The following TMEM132B variants were observed in gnomAD, a reference collection of about 807,000 sequenced individuals.
TMEM132B encodes transmembrane protein 132B.
In TMEM132B, 18 loss-of-function variants were observed where a neutral mutation model predicts 90.8. The observed-to-expected ratio is 0.20, with a 90% CI of 0.14 to 0.29. The LOEUF is 0.29. Ranked by LOEUF, TMEM132B falls within the 10% of genes least tolerant of loss-of-function variation. The pLI is 1.00. For synonymous variants in TMEM132B, 504 were observed against 523.3 expected (o/e 0.96, Z 0.50); for missense variants, 1,096 against 1,326.8 (o/e 0.83, Z 2.70).
intron 4 of TMEM132B, among the ~76,000 whole-genome samples, chr12:125,528,343 T>C (rs530906955): frequency 6.6e-6 from 1 of 152,202 alleles, no homozygotes; most frequent in Non-Finnish European, 1.5e-5. Context: ...AACCACATTA[T>C]CTTTCAAAAA....
chr12:125,227,244 A>C (rs538739495), intron 1 of TMEM132B, among the ~76,000 whole-genome samples: 1 of 152,258 alleles, frequency 6.6e-6, no homozygotes, highest in South Asian at 2.1e-4. Context: ...ATGGGGATTT[A>C]ATACTGGCTG....
chr12:125,607,130 A>G lies in TMEM132B; in HGVS notation c.1437+23136A>G, dbSNP rs534648953. On this transcript the variant is annotated intron_variant, in intron 5 of 8. Coordinates refer to ENST00000682704, the MANE Select transcript of TMEM132B (RefSeq NM_001366854.1). ...TTCTGTCCATAGAGGGTTGACCTGG[A>G]TCCAGTCAGGTGGTATAGCATACAG... 7.2e-5 allele frequency among the ~76,000 whole-genome samples: 11 copies of G among 152,300 alleles called. No individual in the cohort carries two copies. The East Asian group carries it at 2.1e-3, about 29-fold the overall frequency.
chr12:125,209,815 A>G lies in TMEM132B; in HGVS notation c.67+22949A>G, dbSNP rs1424638519. On this transcript the variant is annotated intron_variant, in intron 1 of 8. Coordinates refer to ENST00000682704, the MANE Select transcript of TMEM132B (RefSeq NM_001366854.1). The surrounding 1 kb of genome is among the most constrained non-coding windows in gnomAD (Gnocchi z 4.4). Reference sequence around the variant, plus strand: ...GTACCGGTATAGTCTCTCCTTGTGGAACATGAAATTGTTCCCCAATCCTGA... The same window carrying G: ...GTACCGGTATAGTCTCTCCTTGTGGGACATGAAATTGTTCCCCAATCCTGA... Among the ~76,000 whole-genome samples, 2 of 152,190 alleles carry G rather than the reference A, an allele frequency of 1.3e-5. No individual in the cohort carries two copies. Among genetic ancestry groups the G allele is most frequent in the Non-Finnish European group, 2.9e-5 (2 of 68,032 alleles).
At chr12:125,306,492 A>G (rs1472085588) in intron 1 of TMEM132B, among the ~76,000 whole-genome samples, 1 of 152,116 alleles carries the variant, frequency 6.6e-6, no homozygotes, top group Non-Finnish European at 1.5e-5. Context: ...TGTTCCTCCC[A>G]CAGCCTTCCC....
intron 3 of TMEM132B, among the ~76,000 whole-genome samples, chr12:125,501,797 C>A (rs1278553654): frequency 6.6e-6 from 1 of 152,192 alleles, no homozygotes; most frequent in Non-Finnish European, 1.5e-5. Context: ...GTCTGGAAAG[C>A]ATGACAGATT....
intron 2 of TMEM132B, among the ~76,000 whole-genome samples, chr12:125,389,048 A>ACG (rs990262463): frequency 6.6e-6 from 1 of 151,700 alleles, no homozygotes; most frequent in Non-Finnish European, 1.5e-5. Context: ...ACACACACAC[A>ACG]CACACACAAA....
At chr12:125,385,296 G>A (rs1041038741) in intron 2 of TMEM132B, among the ~76,000 whole-genome samples, 4 of 151,958 alleles carry the variant, frequency 2.6e-5, no homozygotes, top group South Asian at 2.1e-4. Flanking sequence ...AATATTTGAA[G>A]GGATAAAAAA....
intron 1 of TMEM132B, among the ~76,000 whole-genome samples, chr12:125,248,574 G>A (rs1313748616): frequency 6.6e-6 from 1 of 152,222 alleles, no homozygotes; most frequent in South Asian, 2.1e-4. Flanking sequence ...TGCCTATAGC[G>A]TTGTGTCTGA....
chr12:125,468,708 T>C (rs1881634950), intron 3 of TMEM132B, among the ~76,000 whole-genome samples: 1 of 152,244 alleles, frequency 6.6e-6, no homozygotes, highest in Admixed American at 6.5e-5. Flanking sequence ...TTTAATAATA[T>C]TAAGTCTTTC....
intron 1 of TMEM132B, among the ~76,000 whole-genome samples, chr12:125,227,751 C>T (rs1010143235): frequency 2.0e-5 from 3 of 152,176 alleles, no homozygotes; most frequent in African/African-American, 7.2e-5. Flanking sequence ...CCACGATTGA[C>T]ACCTGTGAGT....
chr12:125,288,479 A>AG (rs34682609), intron 1 of TMEM132B, among the ~76,000 whole-genome samples: 17,897 of 148,402 alleles, frequency 0.12, 1,290 homozygotes, highest in African/African-American at 0.16. Flanking sequence ...AAAAAAAAAA[A>AG]AAGAGCTGCT....
intron 1 of TMEM132B, among the ~76,000 whole-genome samples, chr12:125,189,019 C>G (rs1957779467): frequency 1.3e-5 from 2 of 152,068 alleles, no homozygotes; most frequent in Admixed American, 6.5e-5. Flanking sequence ...GGCTGAGGCT[C>G]TGGAAGAGGG....
At position 125,653,824 on chromosome 12, in the gene TMEM132B, A is replaced by G; in HGVS notation, c.2366A>G (p.Asn789Ser). The change falls in exon 9 of 9, where the codon AAT (asparagine) becomes AGT (serine). Residue 789 changes from asparagine to serine, a missense_variant. Coordinates refer to ENST00000682704, the MANE Select transcript of TMEM132B (RefSeq NM_001366854.1). ...RKSVLAVGKG[N>S]VKVKFEPSSD... ...AGTGTTCTTGCCGTGGGTAAAGGAA[A>G]TGTCAAGGTCAAATTCGAACCAAGT... 1 of 1,614,214 alleles carries G rather than the reference A, an allele frequency of 6.2e-7. No homozygotes were observed. The highest frequency in any genetic ancestry group is 8.5e-7 in the Non-Finnish European group (1 of 1,180,042).
In TMEM132B at chr12:125,658,778, T is replaced by G. The variant is rs1293038007; in HGVS notation, c.*4068T>G. ...CACTCAAAAATATCTAAACTGATAG[T>G]GGGAAAAACATTTGAGACCTAGTAA... On this transcript the variant is annotated 3_prime_UTR_variant, in exon 9 of 9. Coordinates refer to ENST00000682704, the MANE Select transcript of TMEM132B (RefSeq NM_001366854.1). 1 of 152,196 alleles carries G rather than the reference T, an allele frequency of 6.6e-6. No individual in the cohort carries two copies. The highest frequency in any genetic ancestry group is 1.5e-5 in the Non-Finnish European group (1 of 68,024). 9.4% of individuals were successfully genotyped at this position (152,196 alleles called of 1,614,324 possible).
At chr12:125,431,269 T>C (rs541409040) in intron 3 of TMEM132B, among the ~76,000 whole-genome samples, 8 of 152,114 alleles carry the variant, frequency 5.3e-5, no homozygotes, top group African/African-American at 1.9e-4. Context: ...GTAATTGAAA[T>C]GGAACTTGCC....
At chr12:125,546,326 G>A (rs1335296948) in intron 4 of TMEM132B, among the ~76,000 whole-genome samples, 2 of 152,022 alleles carry the variant, frequency 1.3e-5, no homozygotes, top group Non-Finnish European at 2.9e-5. Context: ...GGGACTACAG[G>A]CACCCGCCAC....
chr12:125,524,705 G>A (rs1253560684), intron 4 of TMEM132B, among the ~76,000 whole-genome samples: 1 of 152,204 alleles, frequency 6.6e-6, no homozygotes, highest in Admixed American at 6.5e-5. Flanking sequence ...TATAGGTGTA[G>A]TTGTCAAACT....
At chr12:125,212,495 C>G (rs943472412) in intron 1 of TMEM132B, among the ~76,000 whole-genome samples, 11 of 151,880 alleles carry the variant, frequency 7.2e-5, no homozygotes, top group Non-Finnish European at 1.5e-4. Context: ...GAGTTTGAGA[C>G]CAGCCTGGCC....
chr12:125,622,312 G>C (rs375823539), intron 5 of TMEM132B: 4 of 200,514 alleles, frequency 2.0e-5, no homozygotes, highest in African/African-American at 9.4e-5. Context: ...AGTTACACTG[G>C]AATAGTATGT....
Sources: gnomAD v4.1 joint callset for allele counts (sites outside exome capture counted in the v4.1 genomes callset) on GRCh38, gnomAD v4.1.1 for gene constraint, Gnocchi (gnomAD v3.1) non-coding constraint, MANE v1.5 for transcripts, NCBI Gene and HGNC (gene_info 2026-07-23, HGNC 2026-07-21) for gene names.